The following AGAP1 variants were observed in gnomAD, a reference collection of about 807,000 sequenced individuals.
The protein encoded by AGAP1 is arf-GAP with GTPase, ANK repeat and PH domain-containing protein 1.
AGAP1 carries 29 observed loss-of-function variants against 105.3 expected under a neutral mutation model. The ratio of observed to expected loss-of-function variants is 0.28; its 90% CI spans 0.21 to 0.38. The LOEUF is 0.38. AGAP1 is among the 10% of genes least tolerant of loss of function. AGAP1 has a pLI of 1.00. For missense variants in AGAP1, 998 were observed against 1,165.1 expected (o/e 0.86, Z 2.09); for synonymous variants, 509 against 485.9 (o/e 1.05, Z -0.63).
Position 236,042,127 on chromosome 2 carries a change from C to A in AGAP1, c.1891+1286C>A, listed in dbSNP as rs2057566942. Among the ~76,000 whole-genome samples the A allele has an allele frequency of 6.6e-6, 1 of 152,160 alleles. No homozygotes were observed. The highest frequency in any genetic ancestry group is 6.5e-5 in the Admixed American group (1 of 15,280). On this transcript the variant is annotated intron_variant, in intron 15 of 17. Coordinates refer to ENST00000304032, the MANE Select transcript of AGAP1 (RefSeq NM_001037131.3). This position sits in a 1 kb window ranked among gnomAD's most constrained non-coding sequence, Gnocchi z 5.6. Reference sequence around the variant, plus strand: ...GAGCAGGAAGGAGATGGACCCTGAGCTCCACTTGGGGAGATGGATCTGGCC... The same window carrying A: ...GAGCAGGAAGGAGATGGACCCTGAGATCCACTTGGGGAGATGGATCTGGCC...
intron 10 of AGAP1, among the ~76,000 whole-genome samples, chr2:235,885,552 G>GT (rs768719677): frequency 3.9e-5 from 6 of 152,186 alleles, no homozygotes; most frequent in Non-Finnish European, 7.4e-5. Flanking sequence ...CAGAAAGGTT[G>GT]TATCAGTTTA....
Position 236,050,536 on chromosome 2 carries a change from C to G in AGAP1, c.2114+1255C>G, listed in dbSNP as rs1208937069. 6.6e-6 allele frequency among the ~76,000 whole-genome samples: 1 copy of G among 152,052 alleles called. No homozygotes were observed. Among genetic ancestry groups the G allele is most frequent in the African/African-American group, 2.4e-5 (1 of 41,402 alleles). On this transcript the variant is annotated intron_variant, in intron 16 of 17. Coordinates refer to ENST00000304032, the MANE Select transcript of AGAP1 (RefSeq NM_001037131.3). This position sits in a 1 kb window ranked among gnomAD's most constrained non-coding sequence, Gnocchi z 4.0. ...ATTTATCTTGATTTGTTTAATGCTA[C>G]CATAGAAATCAGCTGGGTCATCAAC... is the stretch of plus-strand genomic sequence containing the variant.
chr2:235,762,077 C>G (rs961198352), intron 6 of AGAP1, among the ~76,000 whole-genome samples: 4 of 150,094 alleles, frequency 2.7e-5, no homozygotes, highest in Non-Finnish European at 4.4e-5. Flanking sequence ...CCGTTGCATT[C>G]CAGCCTGGGG....
chr2:235,823,290 C>T (rs1168908903), intron 9 of AGAP1, among the ~76,000 whole-genome samples: 1 of 152,070 alleles, frequency 6.6e-6, no homozygotes, highest in African/African-American at 2.4e-5. Context: ...TACCATCTTC[C>T]CATTGTTGCC....
intron 1 of AGAP1, among the ~76,000 whole-genome samples, chr2:235,694,141 C>T (rs1263636198): frequency 1.3e-5 from 2 of 151,830 alleles, no homozygotes; most frequent in South Asian, 2.1e-4. Context: ...GTCAGGAATT[C>T]AAGACCAGCC....
intron 1 of AGAP1, among the ~76,000 whole-genome samples, chr2:235,558,700 G>A (rs938412591): frequency 6.6e-6 from 1 of 152,092 alleles, no homozygotes; most frequent in Non-Finnish European, 1.5e-5. Flanking sequence ...ACTCTGCCTC[G>A]AAATGTGCGA....
At chr2:235,885,102 A>G (rs1307909600) in intron 10 of AGAP1, among the ~76,000 whole-genome samples, 1 of 152,210 alleles carries the variant, frequency 6.6e-6, no homozygotes, top group East Asian at 1.9e-4. Context: ...AAGAAAATTA[A>G]TATCATTCCT....
chr2:235,953,796 A>G lies in AGAP1; in HGVS notation c.1484-14666A>G, dbSNP rs2053838292. ...AAATTATCAGGGCATGGTGGGTCAT[A>G]CCTGTGGTCCACGCTCCTTGGGAGG... On this transcript the variant is annotated intron_variant, in intron 12 of 17. Transcript: ENST00000304032. This position sits in a 1 kb window ranked among gnomAD's most constrained non-coding sequence, Gnocchi z 5.2. Among the ~76,000 whole-genome samples the G allele has an allele frequency of 6.6e-6, 1 of 152,130 alleles. No individual in the cohort carries two copies. The highest frequency in any genetic ancestry group is 6.5e-5 in the Admixed American group (1 of 15,276).
chr2:235,982,049 G>A lies in AGAP1; in HGVS notation c.1645+13426G>A, dbSNP rs974749233. On this transcript the variant is annotated intron_variant, in intron 13 of 17. Transcript: ENST00000304032. This position sits in a 1 kb window ranked among gnomAD's most constrained non-coding sequence, Gnocchi z 4.9. ...CATAAAAACTTCTGACATTTTACCC[G>A]AGGCTGTGCTTCAGCAGATTGACAG... Among the ~76,000 whole-genome samples, 2 of 152,114 alleles carry A rather than the reference G, an allele frequency of 1.3e-5. No individual in the cohort carries two copies. Among genetic ancestry groups the A allele is most frequent in the African/African-American group, 4.8e-5 (2 of 41,416 alleles).
At chr2:235,917,075 T>C (rs932056994) in intron 11 of AGAP1, among the ~76,000 whole-genome samples, 2 of 152,200 alleles carry the variant, frequency 1.3e-5, no homozygotes, top group African/African-American at 4.8e-5. Context: ...GTGTCTTTGT[T>C]GGGTTTTTGC....
chr2:236,019,901 G>A (rs985929427), intron 13 of AGAP1, among the ~76,000 whole-genome samples: 3 of 152,234 alleles, frequency 2.0e-5, no homozygotes, highest in South Asian at 2.1e-4. Flanking sequence ...CCAGTGCCCC[G>A]TGTGGGTCCC....
intron 11 of AGAP1, among the ~76,000 whole-genome samples, chr2:235,917,677 G>A (rs2051963337): frequency 6.6e-6 from 1 of 152,192 alleles, no homozygotes; most frequent in African/African-American, 2.4e-5. Flanking sequence ...CGGCGGCTCT[G>A]TTGCTGCTCC....
intron 6 of AGAP1, among the ~76,000 whole-genome samples, chr2:235,761,875 C>T (rs760444673): frequency 1.3e-5 from 2 of 151,804 alleles, no homozygotes; most frequent in African/African-American, 4.8e-5. Flanking sequence ...TTTGGGAGGC[C>T]GAGGTGGGTG....
At chr2:236,093,135 C>G (rs2059106805) in intron 16 of AGAP1, among the ~76,000 whole-genome samples, 2 of 152,172 alleles carry the variant, frequency 1.3e-5, no homozygotes, top group Non-Finnish European at 2.9e-5. Flanking sequence ...AATCTCTATC[C>G]CGCAACCAAA....
intron 13 of AGAP1, among the ~76,000 whole-genome samples, chr2:235,995,391 A>G (rs905751534): frequency 4.0e-5 from 6 of 151,598 alleles, no homozygotes; most frequent in Non-Finnish European, 7.4e-5. Flanking sequence ...GTGCGCACCT[A>G]TAATCCTAGC....
Position 235,993,519 on chromosome 2 carries a change from A to T in AGAP1, c.1645+24896A>T, listed in dbSNP as rs1004491442. 6.6e-6 allele frequency among the ~76,000 whole-genome samples: 1 copy of T among 152,170 alleles called. No homozygotes were observed. Among genetic ancestry groups the T allele is most frequent in the Admixed American group, 6.5e-5 (1 of 15,280 alleles). ...TAGGGAGGTAGTAATTGGATTTGCG[A>T]TGTATTTCTTTTCTGCAAGTATGGT... On this transcript the variant is annotated intron_variant, in intron 13 of 17. Transcript: ENST00000304032. The surrounding 1 kb of genome is among the most constrained non-coding windows in gnomAD (Gnocchi z 5.0).
chr2:235,823,949 G>A (rs992485472), intron 9 of AGAP1, among the ~76,000 whole-genome samples: 1 of 152,050 alleles, frequency 6.6e-6, no homozygotes, highest in Non-Finnish European at 1.5e-5. Context: ...GCTGAGGCTC[G>A]CCTTGCATGA....
intron 9 of AGAP1, among the ~76,000 whole-genome samples, chr2:235,869,702 A>G (rs2049348142): frequency 6.6e-6 from 1 of 152,232 alleles, no homozygotes; most frequent in Non-Finnish European, 1.5e-5. Context: ...GCTCCACAAG[A>G]TACTTTCTTA....
intron 9 of AGAP1, among the ~76,000 whole-genome samples, chr2:235,869,095 A>T (rs1024550087): frequency 6.6e-6 from 1 of 152,202 alleles, no homozygotes; most frequent in Non-Finnish European, 1.5e-5. Flanking sequence ...GTCACAAAAC[A>T]TTTGAAATTT....
Sources: gnomAD v4.1 joint callset for allele counts (sites outside exome capture counted in the v4.1 genomes callset) on GRCh38, gnomAD v4.1.1 for gene constraint, Gnocchi (gnomAD v3.1) non-coding constraint, MANE v1.5 for transcripts, NCBI Gene and HGNC (gene_info 2026-07-23, HGNC 2026-07-21) for gene names.